The following MCF2L2 variants were observed in gnomAD, a reference collection of about 807,000 sequenced individuals.
The protein encoded by MCF2L2 is probable guanine nucleotide exchange factor MCF2L2.
Under a neutral mutation model 150.2 loss-of-function variants are expected in MCF2L2, and 102 were observed. The observed-to-expected ratio is 0.68, with a 90% confidence interval of 0.58 to 0.80. The LOEUF is 0.80. Among genes scored for constraint, MCF2L2 ranks in the 30% least tolerant of loss-of-function variants. The pLI is 0.00. For missense variants in MCF2L2, 1,256 were observed against 1,372.8 expected (o/e 0.91, Z 1.34); for synonymous variants, 465 against 491.3 (o/e 0.95, Z 0.71).
At chr3:183,420,047 T>C (rs908656975) in intron 1 of MCF2L2, among the ~76,000 whole-genome samples, 2 of 152,164 alleles carry the variant, frequency 1.3e-5, no homozygotes, top group Non-Finnish European at 2.9e-5. Flanking sequence ...AATAAGTTCC[T>C]CATCTCCATC....
In MCF2L2 at chr3:183,428,210, A is replaced by G. The variant is rs946835950; in HGVS notation, c.-233T>C. 4 of 510,284 alleles carry G rather than the reference A, an allele frequency of 7.8e-6. No individual in the cohort carries two copies. The highest frequency in any genetic ancestry group is 1.4e-5 in the Non-Finnish European group (4 of 291,510). The allele number at this position is 510,284 out of a possible 1,614,324, so 31.6% of individuals were successfully genotyped here. On this transcript the variant is annotated 5_prime_UTR_variant, in exon 1 of 30. Coordinates refer to ENST00000328913, the MANE Select transcript of MCF2L2 (RefSeq NM_015078.4). This position sits in a 1 kb window ranked among gnomAD's most constrained non-coding sequence, Gnocchi z 5.1. Reference sequence around the variant, plus strand: ...GGCGCTTTCCCAGCGTCGCAGCTGGACCGAGAGAGGAGCGGCCGTTCTGCA... The same window carrying G: ...GGCGCTTTCCCAGCGTCGCAGCTGGGCCGAGAGAGGAGCGGCCGTTCTGCA...
At chr3:183,404,614 G>A (rs1320392424) in intron 1 of MCF2L2, among the ~76,000 whole-genome samples, 4 of 152,242 alleles carry the variant, frequency 2.6e-5, no homozygotes, top group Non-Finnish European at 4.4e-5. Flanking sequence ...TGTAATCCCA[G>A]CACTTTGGGA....
intron 1 of MCF2L2, among the ~76,000 whole-genome samples, chr3:183,423,286 G>A (rs1715979992): frequency 6.6e-6 from 1 of 152,068 alleles, no homozygotes; most frequent in Non-Finnish European, 1.5e-5. Context: ...ATGAGCCACG[G>A]GCTGAATTTC....
At chr3:183,212,956 T>TGGGGGGGGGGGGGGGGGGG (rs1173392435) in intron 22 of MCF2L2, among the ~76,000 whole-genome samples, 1 of 3,886 alleles carries the variant, frequency 2.6e-4, no homozygotes. Flanking sequence ...TGTGGGGGGG[T>TGGGGGGGGGGGGGGGGGGG]GGGGGGGGTG....
chr3:183,371,845 C>A (rs574612918), intron 3 of MCF2L2, among the ~76,000 whole-genome samples: 3 of 152,028 alleles, frequency 2.0e-5, no homozygotes, highest in African/African-American at 7.2e-5. Flanking sequence ...GTCACTTATG[C>A]CTCAGTTTGG....
chr3:183,328,829 A>G (rs1373345783), intron 5 of MCF2L2, among the ~76,000 whole-genome samples: 1 of 152,210 alleles, frequency 6.6e-6, no homozygotes, highest in African/African-American at 2.4e-5. Flanking sequence ...TCAAAACCCA[A>G]CAATGTGAAA....
chr3:183,302,802 C>T (rs73884640), intron 10 of MCF2L2, among the ~76,000 whole-genome samples: 441 of 145,422 alleles, frequency 3.0e-3, no homozygotes, highest in African/African-American at 0.01. Context: ...TTCTCTACAA[C>T]CTATTCGCCC....
intron 25 of MCF2L2, among the ~76,000 whole-genome samples, chr3:183,198,043 T>C (rs953288263): frequency 2.0e-5 from 3 of 152,144 alleles, no homozygotes; most frequent in Non-Finnish European, 4.4e-5. Context: ...AAATTAAACA[T>C]ACACCTACCA....
intron 2 of MCF2L2, among the ~76,000 whole-genome samples, chr3:183,384,683 A>G (rs1713732068): frequency 6.6e-6 from 1 of 152,120 alleles, no homozygotes. Flanking sequence ...GCTTGGTGAG[A>G]CTGATTTGAG....
intron 24 of MCF2L2, 76 bp from the exon 25 acceptor site, chr3:183,206,030 G>A (rs1722457824): frequency 1.4e-5 from 21 of 1,548,966 alleles, no homozygotes; most frequent in East Asian, 4.5e-5. Flanking sequence ...CCCAGTGACC[G>A]TTAGACTAAT....
In MCF2L2 at chr3:183,181,975, TG is replaced by T. The variant is rs1168625318; in HGVS notation, c.3017-1817del. Among the ~76,000 whole-genome samples the T allele has an allele frequency of 6.6e-6, 1 of 152,150 alleles. No homozygotes were observed. The highest frequency in any genetic ancestry group is 1.5e-5 in the Non-Finnish European group (1 of 68,012). On this transcript the variant is annotated intron_variant, in intron 27 of 29. Transcript: ENST00000328913. This position sits in a 1 kb window ranked among gnomAD's most constrained non-coding sequence, Gnocchi z 4.3. The stretch of plus-strand genomic sequence containing the variant: ...GGTTCCAGCCCCTCTGCAGGGTAAG[TG>T]GCACCTGGGGTAAAATGACTGCCTG...
At chr3:183,261,602 A>G (rs1481287786) in intron 15 of MCF2L2, among the ~76,000 whole-genome samples, 1 of 152,216 alleles carries the variant, frequency 6.6e-6, no homozygotes, top group African/African-American at 2.4e-5. Flanking sequence ...TTCATGATGC[A>G]TGGGGATATT....
chr3:183,225,645 C>T (rs1335339346), intron 18 of MCF2L2: 1 of 152,192 alleles, frequency 6.6e-6, no homozygotes, highest in Non-Finnish European at 1.5e-5. Context: ...AAGTAAGTTA[C>T]CTAACCTTCC....
intron 2 of MCF2L2, among the ~76,000 whole-genome samples, chr3:183,381,017 G>C (rs1347342107): frequency 3.9e-5 from 6 of 152,118 alleles, no homozygotes; most frequent in Non-Finnish European, 7.4e-5. Context: ...TTTTGGCCTA[G>C]GGGGGCCATG....
intron 5 of MCF2L2, among the ~76,000 whole-genome samples, chr3:183,324,993 C>T (rs1490171553): frequency 2.0e-5 from 3 of 149,642 alleles, no homozygotes; most frequent in Admixed American, 1.3e-4. Context: ...AAACTGGAAA[C>T]CATCATTCTC....
intron 13 of MCF2L2, among the ~76,000 whole-genome samples, chr3:183,291,129 G>A (rs1469942360): frequency 1.1e-4 from 17 of 152,150 alleles, no homozygotes; most frequent in Admixed American, 9.8e-4. Flanking sequence ...CTCTCTGTGG[G>A]ATCTCTATAA....
intron 3 of MCF2L2, chr3:183,374,535 G>C (rs931829139): frequency 2.0e-5 from 3 of 152,156 alleles, no homozygotes; most frequent in Non-Finnish European, 4.4e-5. Context: ...GGGCGTGGTG[G>C]TGCGTGTCTG....
At chr3:183,338,954 G>C (rs1392658281) in intron 4 of MCF2L2, 35 bp from the exon 5 acceptor site, 1 of 1,577,690 alleles carries the variant, frequency 6.3e-7, no homozygotes, top group Non-Finnish European at 8.7e-7. Flanking sequence ...GGAGGAGAGA[G>C]AAAAATGTCA....
At chr3:183,277,765 A>C (rs2108460606) in intron 14 of MCF2L2, among the ~76,000 whole-genome samples, 1 of 148,586 alleles carries the variant, frequency 6.7e-6, no homozygotes, top group East Asian at 2.0e-4. Context: ...AGCCTCCTAA[A>C]GTGGAGGAAA....
Sources: allele counts gnomAD v4.1 joint callset (sites outside exome capture counted in the v4.1 genomes callset), GRCh38; gene constraint gnomAD v4.1.1; non-coding constraint Gnocchi (gnomAD v3.1); transcripts MANE v1.5; gene names NCBI Gene and HGNC (gene_info 2026-07-23, HGNC 2026-07-21).